The following CDH13 variants were observed in gnomAD, a reference collection of about 807,000 sequenced individuals.
CDH13 encodes cadherin-13.
CDH13 carries 24 observed loss-of-function variants against 63.8 expected under a neutral mutation model. The observed-to-expected ratio is 0.38, with a 90% CI of 0.27 to 0.53. CDH13 has a LOEUF of 0.53. CDH13 is among the 20% of genes least tolerant of loss of function. The pLI, the probability that CDH13 is intolerant of heterozygous loss-of-function variation, is 0.85. For synonymous variants in CDH13, 503 were observed against 355.3 expected (o/e 1.42, Z -4.67); for missense variants, 1,049 against 903.1 (o/e 1.16, Z -2.07).
chr16:83,578,378 T>A (rs1454844899), intron 7 of CDH13, among the ~76,000 whole-genome samples: 2 of 152,110 alleles, frequency 1.3e-5, no homozygotes, highest in African/African-American at 4.8e-5. Flanking sequence ...TGTAGCTCTG[T>A]TAAAGGAGAC....
At chr16:83,198,792 T>G (rs902431813) in intron 4 of CDH13, among the ~76,000 whole-genome samples, 1 of 152,178 alleles carries the variant, frequency 6.6e-6, no homozygotes, top group Non-Finnish European at 1.5e-5. Flanking sequence ...ACCCAACCAG[T>G]ATTAATATTT....
At chr16:83,077,159 TTTCTTTTC>T (rs1444967328) in intron 3 of CDH13, among the ~76,000 whole-genome samples, 6 of 144,428 alleles carry the variant, frequency 4.2e-5, no homozygotes, top group African/African-American at 1.3e-4. Flanking sequence ...TTTCTTTTTC[TTTCTTTTC>T]TTTTCTTTTT....
intron 2 of CDH13, among the ~76,000 whole-genome samples, chr16:83,005,627 A>G (rs1913409955): frequency 2.0e-5 from 3 of 152,218 alleles, no homozygotes; most frequent in Non-Finnish European, 4.4e-5. Flanking sequence ...GAGTTGTCTC[A>G]CCATTATAGC....
At chr16:83,748,042 C>A in intron 10 of CDH13, 66 bp from the exon 11 acceptor site, 1 of 1,558,776 alleles carries the variant, frequency 6.4e-7, no homozygotes, top group South Asian at 1.1e-5. Context: ...TCATGCCCTG[C>A]ACTCTGTAAA....
intron 1 of CDH13, among the ~76,000 whole-genome samples, chr16:82,787,111 G>A (rs1292864160): frequency 6.6e-6 from 1 of 152,128 alleles, no homozygotes; most frequent in East Asian, 1.9e-4. Flanking sequence ...AAGACAAAAT[G>A]AGTCCATGGT....
At chr16:82,841,156 G>A (rs1333596876) in intron 1 of CDH13, among the ~76,000 whole-genome samples, 1 of 152,158 alleles carries the variant, frequency 6.6e-6, no homozygotes, top group Non-Finnish European at 1.5e-5. Context: ...TGCCCTGTTT[G>A]ACTCCAAGCT....
At chr16:82,825,838 T>A (rs1314971076) in intron 1 of CDH13, 1 of 151,666 alleles carries the variant, frequency 6.6e-6, no homozygotes, top group Non-Finnish European at 1.5e-5. Context: ...CAAGCCACTG[T>A]GCCCAGCCTT....
rs188462900 is a variant in CDH13 at position 83,472,019 on chromosome 16, G to A, written c.782-14458G>A. 3.9e-5 allele frequency among the ~76,000 whole-genome samples: 6 copies of A among 152,232 alleles called. No individual in the cohort carries two copies. In the East Asian group the frequency reaches 7.7e-4, roughly 20 times the overall value. On this transcript the variant is annotated intron_variant, in intron 6 of 13. Coordinates refer to ENST00000567109, the MANE Select transcript of CDH13 (RefSeq NM_001257.5). ...CTTCTCTTCTGCTTCTTTATCAAAC[G>A]TGGTGCTTCTGGGCCATGCCTCTCC...
intron 6 of CDH13, among the ~76,000 whole-genome samples, chr16:83,426,686 G>A (rs989065755): frequency 2.0e-5 from 3 of 152,006 alleles, no homozygotes; most frequent in African/African-American, 7.2e-5. Flanking sequence ...CATGGTGCTT[G>A]GCATGTAGAT....
chr16:83,229,243 C>A (rs1014387612), intron 5 of CDH13, among the ~76,000 whole-genome samples: 8 of 152,140 alleles, frequency 5.3e-5, no homozygotes, highest in African/African-American at 1.7e-4. Context: ...GAAATTAATT[C>A]AAAAATGCAT....
intron 4 of CDH13, among the ~76,000 whole-genome samples, chr16:83,210,556 G>A (rs1275135058): frequency 2.0e-5 from 3 of 151,938 alleles, no homozygotes; most frequent in Non-Finnish European, 4.4e-5. Flanking sequence ...CACCACGTAC[G>A]GCATACTGTT....
At chr16:83,680,428 G>A (rs750207208) in intron 10 of CDH13, among the ~76,000 whole-genome samples, 1 of 152,152 alleles carries the variant, frequency 6.6e-6, no homozygotes, top group Non-Finnish European at 1.5e-5. Context: ...GAGTATGGAG[G>A]CAGCCCATAG....
rs1905340782 is a variant in CDH13, at chr16:82,951,848, C to A, written c.158-80162C>A. 3.3e-5 allele frequency among the ~76,000 whole-genome samples: 5 copies of A among 152,306 alleles called. No homozygotes were observed. The South Asian group carries it at 1.0e-3, about 32-fold the overall frequency. ...GGAATCAGGAGGCTCAGTATATCTT[C>A]CTAAGTGTTCCATTTCTTTCCCAGG... On this transcript the variant is annotated intron_variant, in intron 2 of 13. Coordinates refer to ENST00000567109, the MANE Select transcript of CDH13 (RefSeq NM_001257.5).
intron 10 of CDH13, among the ~76,000 whole-genome samples, chr16:83,711,499 TA>T (rs1230437192): frequency 1.3e-5 from 2 of 152,120 alleles, no homozygotes; most frequent in African/African-American, 2.4e-5. Context: ...TGGGGTTTTT[TA>T]TTTTTTGGTT....
intron 4 of CDH13, chr16:83,171,644 C>A (rs1597460600): frequency 8.2e-7 from 1 of 1,220,258 alleles, no homozygotes; most frequent in Non-Finnish European, 1.2e-6. Context: ...TTCCTATATG[C>A]CATCAGGGGA....
chr16:82,907,028 C>T (rs545338106), intron 2 of CDH13, among the ~76,000 whole-genome samples: 2 of 152,132 alleles, frequency 1.3e-5, no homozygotes, highest in Non-Finnish European at 2.9e-5. Flanking sequence ...TTTGGGGAGG[C>T]ATCATTTAAC....
chr16:83,060,820 G>C (rs117466298), intron 3 of CDH13, among the ~76,000 whole-genome samples: 2 of 152,286 alleles, frequency 1.3e-5, no homozygotes, highest in East Asian at 1.9e-4. Flanking sequence ...CTTGCTTTCA[G>C]CTGGGACACT....
chr16:83,116,913 A>C (rs1031799599), intron 3 of CDH13, among the ~76,000 whole-genome samples: 1 of 152,184 alleles, frequency 6.6e-6, no homozygotes, highest in Admixed American at 6.5e-5. Flanking sequence ...ACTGCAGGAC[A>C]ATGTAGGTTC....
intron 6 of CDH13, among the ~76,000 whole-genome samples, chr16:83,425,458 A>G (rs546913675): frequency 1.3e-5 from 2 of 152,228 alleles, no homozygotes; most frequent in African/African-American, 2.4e-5. Flanking sequence ...AATGAATGAA[A>G]CAAGCTCCCT....
Sources: gnomAD v4.1 joint callset for allele counts (sites outside exome capture counted in the v4.1 genomes callset) on GRCh38, gnomAD v4.1.1 for gene constraint, MANE v1.5 for transcripts, NCBI Gene and HGNC (gene_info 2026-07-23, HGNC 2026-07-21) for gene names.